The following PPM1A variants were observed in gnomAD, a reference collection of about 807,000 sequenced individuals.
PPM1A encodes the protein protein phosphatase, Mg2+/Mn2+ dependent 1A.
In PPM1A, 7 loss-of-function variants were observed where a neutral mutation model predicts 35.0. That is an observed-to-expected ratio of 0.20 (90% CI 0.11 to 0.38). The LOEUF is 0.38. Ranked by LOEUF, PPM1A falls within the 10% of genes least tolerant of loss-of-function variation. The pLI, the probability that PPM1A is intolerant of heterozygous loss-of-function variation, is 1.00. For synonymous variants in PPM1A, 153 were observed against 167.3 expected, an observed-to-expected ratio of 0.91 and a Z score of 0.66; for missense variants, 239 against 467.8, an observed-to-expected ratio of 0.51 and a Z score of 4.51.
chr14:60,285,899 G>A, intron 3 of PPM1A, 158 bp downstream of exon 3: 1 of 1,389,856 alleles, frequency 7.2e-7, no homozygotes, highest in Non-Finnish European at 9.4e-7. Flanking sequence ...CTGTTAAGAT[G>A]TATGCAGTTG....
rs1236358639 is a variant in PPM1A at position 60,282,851 on chromosome 14, C to T, written c.148C>T (p.Leu50Phe). 6.2e-7 allele frequency: 1 copy of T among 1,614,202 alleles called. No homozygotes were observed. The highest frequency in any genetic ancestry group is 1.1e-5 in the South Asian group (1 of 91,080). Residue 50 changes from leucine (L) to phenylalanine (F), a missense_variant, in exon 2 of 6, where the codon CTT (leucine) becomes TTT (phenylalanine). Leu to Phe is a conservative substitution (Grantham distance 22). This residue lies in a region of PPM1A where 175 missense variants were observed against 389.2 expected (regional missense o/e 0.45). Transcript: ENST00000395076. The surrounding 1 kb of genome is among the most constrained non-coding windows in gnomAD (Gnocchi z 5.1). The part of the protein sequence containing the change: ...HTAVIGLPSG[L>F]ESWSFFAVYD... ...GGCTGTGATCGGTTTGCCAAGTGGA[C>T]TTGAATCGTGGTCATTCTTTGCTGT...
At chr14:60,277,490 T>A (rs1239079198) in intron 1 of PPM1A, 1 of 152,048 alleles carries the variant, frequency 6.6e-6, no homozygotes, top group Non-Finnish European at 1.5e-5. Flanking sequence ...GATGGTTACT[T>A]GGTTTGTTAC....
chr14:60,247,869 C>G (rs542083088), upstream of PPM1A, among the ~76,000 whole-genome samples: 1 of 152,226 alleles, frequency 6.6e-6, no homozygotes, highest in Admixed American at 6.5e-5. Flanking sequence ...ATAGAGAGGC[C>G]TTCAACATAA....
chr14:60,276,985 A>G (rs1244596622), intron 1 of PPM1A: 1 of 1,024,266 alleles, frequency 9.8e-7, no homozygotes, highest in East Asian at 8.3e-5. Context: ...ATATTAATTC[A>G]GTCTTGTTTT....
At chr14:60,245,826 T>C (rs1426145842), upstream of PPM1A, 5 of 1,557,002 alleles carry the variant, frequency 3.2e-6, no homozygotes, top group South Asian at 4.9e-5. The surrounding 1 kb of genome is among the most constrained non-coding windows in gnomAD (Gnocchi z 4.2). Context: ...ATGAAATTCA[T>C]TTAGGGGCAC....
intron 1 of PPM1A, among the ~76,000 whole-genome samples, chr14:60,259,014 G>A (rs184817746): frequency 1.4e-3 from 210 of 152,204 alleles, no homozygotes; most frequent in Non-Finnish European, 2.4e-3. Flanking sequence ...TGGGCCATGC[G>A]ATTTGAGGTG....
chr14:60,267,867 A>G (rs1222991226), intron 1 of PPM1A, among the ~76,000 whole-genome samples: 1 of 152,070 alleles, frequency 6.6e-6, no homozygotes, highest in Non-Finnish European at 1.5e-5. Flanking sequence ...GCACACACAC[A>G]TTTTGTTATT....
At position 60,256,605 on chromosome 14, in the gene PPM1A, A is replaced by G. The variant is rs548883979; in HGVS notation, c.-21+6928A>G. Among the ~76,000 whole-genome samples the G allele has an allele frequency of 2.6e-5, 4 of 152,338 alleles. No homozygotes were observed. In the South Asian group the frequency reaches 8.3e-4, roughly 32 times the overall value. On this transcript the variant is annotated intron_variant, in intron 1 of 5. Coordinates refer to ENST00000395076, the MANE Select transcript of PPM1A (RefSeq NM_021003.5). ...TGTTTTCCTAGCCTTGACGTTAGCA[A>G]CTAACAATGATAACTAACATTATTG...
At chr14:60,286,885 C>T in intron 3 of PPM1A, 1 of 976,196 alleles carries the variant, frequency 1.0e-6, no homozygotes, top group Non-Finnish European at 1.2e-6. Flanking sequence ...TGTCTCCTTA[C>T]TGTTACCAAG....
At chr14:60,277,071 C>G (rs1227124530) in intron 1 of PPM1A, 5 of 1,194,308 alleles carry the variant, frequency 4.2e-6, no homozygotes, top group South Asian at 1.6e-5. Context: ...AGCTTGTACT[C>G]AAGAACAGAT....
chr14:60,257,342 T>G (rs1329911403), intron 1 of PPM1A, among the ~76,000 whole-genome samples: 1 of 152,202 alleles, frequency 6.6e-6, no homozygotes, highest in Non-Finnish European at 1.5e-5. Context: ...TTTCATTCAT[T>G]TAAAGAGATT....
chr14:60,260,228 G>C (rs1883590796), intron 1 of PPM1A, among the ~76,000 whole-genome samples: 3 of 151,820 alleles, frequency 2.0e-5, no homozygotes, highest in Admixed American at 2.0e-4. Context: ...TCTTAATTTG[G>C]GGCACATTGA....
intron 1 of PPM1A, among the ~76,000 whole-genome samples, chr14:60,253,967 T>G (rs1882747311): frequency 1.3e-5 from 2 of 152,220 alleles, no homozygotes; most frequent in Non-Finnish European, 2.9e-5. Context: ...TTAAACCTGT[T>G]TTTTTTTATG....
intron 1 of PPM1A, among the ~76,000 whole-genome samples, chr14:60,255,621 T>G (rs914182161): frequency 6.6e-6 from 1 of 152,240 alleles, no homozygotes. Flanking sequence ...TGGTAAGTAT[T>G]AAGCAAAATC....
chr14:60,254,780 T>C (rs954660326), intron 1 of PPM1A, among the ~76,000 whole-genome samples: 1 of 152,326 alleles, frequency 6.6e-6, no homozygotes, highest in African/African-American at 2.4e-5. Context: ...CCATCAAAAT[T>C]CTTTCTAAAC....
rs1888251463 is a variant in PPM1A, at chr14:60,298,781, C to T, written c.*6299C>T. The stretch of plus-strand genomic sequence containing the variant: ...ATAAATGTTAAGAATAATATAATTG[C>T]AGAAATATTTTTCTTAAATACAATG... On this transcript the variant is annotated 3_prime_UTR_variant, in exon 6 of 6. Transcript: ENST00000395076. 6.6e-6 allele frequency: 1 copy of T among 151,708 alleles called. No individual in the cohort carries two copies. The highest frequency in any genetic ancestry group is 1.5e-5 in the Non-Finnish European group (1 of 67,738). The allele number at this position is 151,708 out of a possible 1,614,324, so 9.4% of individuals were successfully genotyped here.
At chr14:60,275,380 C>T (rs1456462740) in intron 1 of PPM1A, among the ~76,000 whole-genome samples, 1 of 151,962 alleles carries the variant, frequency 6.6e-6, no homozygotes, top group African/African-American at 2.4e-5. Flanking sequence ...TTCTCTGCAC[C>T]TTCTCATTTG....
chr14:60,289,558 G>A lies in PPM1A; in HGVS notation c.953-248G>A, dbSNP rs527580954. On this transcript the variant is annotated intron_variant, in intron 3 of 5. Transcript: ENST00000395076. This position sits in a 1 kb window ranked among gnomAD's most constrained non-coding sequence, Gnocchi z 4.1. ...CATATCCTTGATTATATAATATGCT[G>A]ATTTAACATGAAATATTTTTTCACA... Among the ~76,000 whole-genome samples the A allele has an allele frequency of 1.6e-4, 25 of 151,904 alleles. No homozygotes were observed. The highest frequency in any genetic ancestry group is 3.2e-4 in the Non-Finnish European group (22 of 67,974).
chr14:60,282,926 T>C lies in PPM1A; in HGVS notation c.223T>C (p.Leu75=), dbSNP rs777894788. 7 of 1,614,116 alleles carry C rather than the reference T, an allele frequency of 4.3e-6. No individual in the cohort carries two copies. The African/African-American group carries it at 5.3e-5, about 12-fold the overall frequency. Residue 75 remains leucine, a synonymous_variant, in exon 2 of 6, where the codon TTG becomes CTG. Transcript: ENST00000395076. This position sits in a 1 kb window ranked among gnomAD's most constrained non-coding sequence, Gnocchi z 5.1. ...SQVAKYCCEH[L]LDHITNNQDF... Reference sequence around the variant, plus strand: ...GGTTGCCAAATACTGCTGTGAGCATTTGTTAGATCACATCACCAATAACCA... The same window carrying C: ...GGTTGCCAAATACTGCTGTGAGCATCTGTTAGATCACATCACCAATAACCA...
Sources: allele counts gnomAD v4.1 joint callset (sites outside exome capture counted in the v4.1 genomes callset), GRCh38; gene constraint gnomAD v4.1.1; regional missense constraint gnomAD v4.1.1; non-coding constraint Gnocchi (gnomAD v3.1); transcripts MANE v1.5; gene names NCBI Gene and HGNC (gene_info 2026-07-23, HGNC 2026-07-21).